The following FLACC1 variants were observed in gnomAD, a reference collection of about 807,000 sequenced individuals.
The protein encoded by FLACC1 is flagellum associated containing coiled-coil domains 1.
In FLACC1, 66 loss-of-function variants were observed where a neutral mutation model predicts 62.8. That is an observed-to-expected ratio of 1.05 (90% CI 0.86 to 1.29). The LOEUF is 1.29. Among genes scored for constraint, FLACC1 ranks in the 50% most tolerant of loss-of-function variants. The probability of loss-of-function intolerance (pLI) is 0.00; values close to 1 mark genes in which losing one functional copy is unlikely to be tolerated. For synonymous variants in FLACC1, 156 were observed against 161.0 expected (o/e 0.97, Z 0.24); for missense variants, 452 against 489.1 (o/e 0.92, Z 0.71).
chr2:201,316,947 A>G lies in FLACC1; in HGVS notation c.676-7697T>C, dbSNP rs532161426. On this transcript the variant is annotated intron_variant, in intron 9 of 14. Transcript: ENST00000392257. ...AACATAAAAAGAATTAAAAATAAAA[A>G]TCACATGATCATTTCAATAGATGCG... 8.6e-4 allele frequency among the ~76,000 whole-genome samples: 131 copies of G among 152,336 alleles called. 1 individual carries two copies. Among genetic ancestry groups the G allele is most frequent in the African/African-American group, 2.9e-3 (122 of 41,574 alleles).
chr2:201,309,808 G>A (rs1950179719), intron 9 of FLACC1, among the ~76,000 whole-genome samples: 1 of 150,100 alleles, frequency 6.7e-6, no homozygotes, highest in Non-Finnish European at 1.5e-5. Context: ...TTGGGAGGCT[G>A]AGGCAGGAGA....
intron 11 of FLACC1, among the ~76,000 whole-genome samples, chr2:201,301,795 A>C (rs897344807): frequency 2.6e-5 from 4 of 152,228 alleles, no homozygotes; most frequent in African/African-American, 9.6e-5. Context: ...ATTCTTAAAG[A>C]AAAGAATTTT....
chr2:201,296,992 C>T (rs1949879332), intron 12 of FLACC1, among the ~76,000 whole-genome samples: 2 of 151,440 alleles, frequency 1.3e-5, no homozygotes, highest in Non-Finnish European at 2.9e-5. Flanking sequence ...GTTGGAGGGA[C>T]GTGGATGAAT....
intron 7 of FLACC1, among the ~76,000 whole-genome samples, chr2:201,341,637 C>G (rs1222191280): frequency 6.6e-6 from 1 of 151,802 alleles, no homozygotes; most frequent in Non-Finnish European, 1.5e-5. Flanking sequence ...CATCATTTCA[C>G]TTAGTTAACC....
chr2:201,308,215 T>C (rs780036361), intron 10 of FLACC1, among the ~76,000 whole-genome samples: 3 of 152,186 alleles, frequency 2.0e-5, no homozygotes, highest in Non-Finnish European at 2.9e-5. Flanking sequence ...CTTCCAAAAC[T>C]GGCGGTTACA....
rs1268606058 is a variant in FLACC1 at position 201,289,704 on chromosome 2, G to A, written c.1024C>T (p.Gln342Ter). 5 of 1,613,648 alleles carry A rather than the reference G, an allele frequency of 3.1e-6. No homozygotes were observed. In the Admixed American group the frequency reaches 8.3e-5, roughly 27 times the overall value. Residue 342 changes from glutamine (Q) to a stop codon, truncating the protein, a stop_gained, in exon 13 of 15, where the codon CAG (glutamine) becomes TAG (stop). Coordinates refer to ENST00000392257, the MANE Select transcript of FLACC1 (RefSeq NM_001127391.3). LOFTEE classifies it high-confidence loss of function. ...CTCCAGTAGGGACTCACCTCTTTCTGGAGTTCCAACTGGGTATAGTAGAGG... is the reference window on the plus strand; with the variant it reads ...CTCCAGTAGGGACTCACCTCTTTCTAGAGTTCCAACTGGGTATAGTAGAGG... ...TNLYYTQLEL[Q>*]KEKAIVGNLE... is the part of the protein sequence containing the mutation.
rs1950957643 is a variant in FLACC1 at position 201,348,245 on chromosome 2, T to C, written c.234+9A>G. 6.2e-7 allele frequency: 1 copy of C among 1,612,672 alleles called. No individual in the cohort carries two copies. Among genetic ancestry groups the C allele is most frequent in the African/African-American group, 1.3e-5 (1 of 74,862 alleles). ...TTTAGTCCCACCGCCCTCTCCTGCC[T>C]TTACTCACATAAAATGATTTATTAG... On this transcript the variant is annotated intron_variant, in intron 4 of 14. Transcript: ENST00000392257.
At position 201,328,554 on chromosome 2, in the gene FLACC1, T is replaced by C. The variant is rs972220624; in HGVS notation, c.675+1916A>G. 4.6e-5 allele frequency among the ~76,000 whole-genome samples: 7 copies of C among 152,122 alleles called. No homozygotes were observed. In the East Asian group the frequency reaches 1.2e-3, roughly 25 times the overall value. ...GATTCTCCCGCCTCAGTTTCCTGAG[T>C]AGCTGGGATTACAGGTGTGTGCCAC... On this transcript the variant is annotated intron_variant, in intron 9 of 14. Transcript: ENST00000392257.
intron 9 of FLACC1, among the ~76,000 whole-genome samples, chr2:201,327,991 A>C (rs1950526946): frequency 1.3e-5 from 2 of 152,200 alleles, no homozygotes; most frequent in Admixed American, 1.3e-4. Context: ...AAAAGGAATG[A>C]AATGTCTTTT....
At chr2:201,330,390 A>G in intron 9 of FLACC1, 80 bp downstream of exon 9, 1 of 1,370,884 alleles carries the variant, frequency 7.3e-7, no homozygotes, top group Admixed American at 2.1e-5. Context: ...TTTCTGGACA[A>G]AAGCTCTAGA....
intron 5 of FLACC1, among the ~76,000 whole-genome samples, chr2:201,344,964 C>G (rs1442277322): frequency 2.0e-5 from 3 of 152,258 alleles, no homozygotes; most frequent in South Asian, 4.1e-4. Context: ...CAGGAGGAGA[C>G]AGTTCAAGGG....
chr2:201,350,677 T>C (rs1006674199), intron 3 of FLACC1, 34 bp downstream of exon 3: 2 of 483,972 alleles, frequency 4.1e-6, no homozygotes, highest in Non-Finnish European at 3.3e-6. Context: ...TGAGACTCCA[T>C]CTCAAAAACA....
chr2:201,305,074 T>C (rs1950074454), intron 11 of FLACC1, among the ~76,000 whole-genome samples: 1 of 152,176 alleles, frequency 6.6e-6, no homozygotes, highest in Non-Finnish European at 1.5e-5. Context: ...AAAGCCAAAA[T>C]TGACAAATGG....
rs140742427 is a variant in FLACC1 at position 201,329,364 on chromosome 2, T to C, written c.675+1106A>G. 1.6e-4 allele frequency among the ~76,000 whole-genome samples: 25 copies of C among 152,310 alleles called. No homozygotes were observed. The South Asian group carries it at 4.8e-3, about 29-fold the overall frequency. On this transcript the variant is annotated intron_variant, in intron 9 of 14. Transcript: ENST00000392257. ...GTTGGTAGGAATGTAAATTAGTTCA[T>C]TGCCGGTGGAAAGCAGCTTGGAAAT... is the stretch of plus-strand genomic sequence containing the variant.
At chr2:201,349,361 C>T (rs1950980276) in intron 3 of FLACC1, among the ~76,000 whole-genome samples, 1 of 152,222 alleles carries the variant, frequency 6.6e-6, no homozygotes, top group African/African-American at 2.4e-5. Context: ...TACACAGGCA[C>T]TTGCCCTGAC....
At chr2:201,295,929 C>A (rs1949850726) in intron 12 of FLACC1, among the ~76,000 whole-genome samples, 1 of 152,160 alleles carries the variant, frequency 6.6e-6, no homozygotes, top group African/African-American at 2.4e-5. Context: ...TCATCACTGG[C>A]CATCAGAGAA....
chr2:201,289,771 T>C lies in FLACC1; in HGVS notation c.957A>G (p.Glu319=), dbSNP rs1395179092. 1 of 1,614,162 alleles carries C rather than the reference T, an allele frequency of 6.2e-7. No individual in the cohort carries two copies. The highest frequency in any genetic ancestry group is 1.1e-5 in the South Asian group (1 of 91,084). The change falls in exon 13 of 15, where the codon GAA becomes GAG. Residue 319 remains glutamate (E), a synonymous_variant. Transcript: ENST00000392257. ...CTAGGATAAGGGCTTGTGCATGCAA[T>C]TCTTCCTGCATGACCTGCATAAGAA... ...LRKTKEVMQE[E]LHAQALILES...
chr2:201,346,790 C>A lies in FLACC1; in HGVS notation c.235-115G>T. The A allele has an allele frequency of 7.5e-7, 1 of 1,338,396 alleles. No individual in the cohort carries two copies. The highest frequency in any genetic ancestry group is 1.3e-5 in the South Asian group (1 of 76,024). The allele number at this position is 1,338,396 out of a possible 1,614,324, so 82.9% of individuals were successfully genotyped here. ...AAAACAGGGACCTGGGACTCCACAG[C>A]CCAAGCCCTTCTGGGCCCTTCACCC... On this transcript the variant is annotated intron_variant, in intron 4 of 14. Transcript: ENST00000392257. This position sits in a 1 kb window ranked among gnomAD's most constrained non-coding sequence, Gnocchi z 4.0.
At chr2:201,331,143 AT>A (rs202240598) in intron 7 of FLACC1, among the ~76,000 whole-genome samples, 1 of 151,436 alleles carries the variant, frequency 6.6e-6, no homozygotes. Flanking sequence ...TAATTTTTTA[AT>A]TTTTTGTAGA....
Sources: gnomAD v4.1 joint callset for allele counts (sites outside exome capture counted in the v4.1 genomes callset) on GRCh38, gnomAD v4.1.1 for gene constraint, Gnocchi (gnomAD v3.1) non-coding constraint, MANE v1.5 for transcripts, NCBI Gene and HGNC (gene_info 2026-07-23, HGNC 2026-07-21) for gene names.